Variants in SPATA6 observed in about 807,000 individuals in gnomAD.
SPATA6 encodes spermatogenesis-associated protein 6.
A neutral mutation model predicts 65.3 loss-of-function variants in SPATA6; 56 were observed. The observed-to-expected ratio is 0.86, with a 90% CI of 0.69 to 1.07. The LOEUF is 1.07. SPATA6 is among the 50% of genes least tolerant of loss of function. The probability of loss-of-function intolerance (pLI) is 0.00; values close to 1 mark genes in which losing one functional copy is unlikely to be tolerated. For synonymous variants in SPATA6, 199 were observed against 213.2 expected, an observed-to-expected ratio of 0.93 and a Z score of 0.58; for missense variants, 590 against 594.8, an observed-to-expected ratio of 0.99 and a Z score of 0.08.
chr1:48,280,820 C>G, the SPATA6 span, among the ~76,000 whole-genome samples: 17 of 150,464 alleles, frequency 1.1e-4, no homozygotes, highest in African/African-American at 2.2e-4. Context: ...GGAATCCTCC[C>G]TAACTCATTT....
chr1:48,428,815 GTATATA>G (rs746601806), intron 3 of SPATA6, among the ~76,000 whole-genome samples: 5 of 118,164 alleles, frequency 4.2e-5, no homozygotes, highest in South Asian at 2.8e-4. Context: ...GTGTGTATAT[GTATATA>G]TATGTGTGTA....
the SPATA6 span, among the ~76,000 whole-genome samples, chr1:48,266,396 A>G: frequency 6.6e-6 from 1 of 152,200 alleles, no homozygotes; most frequent in Non-Finnish European, 1.5e-5. Context: ...TGTGACCCAC[A>G]GGAGACACTT....
chr1:48,447,585 T>C (rs1369479768), intron 3 of SPATA6, among the ~76,000 whole-genome samples: 4 of 152,196 alleles, frequency 2.6e-5, no homozygotes, highest in Non-Finnish European at 4.4e-5. Flanking sequence ...ACTCCCATCT[T>C]GTTCAAAGGT....
intron 6 of SPATA6, chr1:48,401,054 G>A (rs1651112111): frequency 5.1e-6 from 1 of 195,612 alleles, no homozygotes; most frequent in Non-Finnish European, 1.0e-5. Flanking sequence ...CTCCATCTTG[G>A]ATTTAATAAA....
intron 9 of SPATA6, among the ~76,000 whole-genome samples, chr1:48,361,278 G>T (rs959460689): frequency 4.6e-5 from 7 of 152,124 alleles, no homozygotes; most frequent in African/African-American, 1.7e-4. Context: ...GGGAAGAAAG[G>T]AAAGAAACAC....
In SPATA6 at chr1:48,435,024, T is replaced by C. The variant is rs181007697; in HGVS notation, c.238+16528A>G. On this transcript the variant is annotated intron_variant, in intron 3 of 12. Coordinates refer to ENST00000371847, the MANE Select transcript of SPATA6 (RefSeq NM_019073.4). ...ATTTATTAAATTATAATACATATAG[T>C]TAATATATATCTCCCTAGAGCCTGA... Among the ~76,000 whole-genome samples, 500 of 151,306 alleles carry C rather than the reference T, an allele frequency of 3.3e-3. 2 individuals carry two copies. The highest frequency in any genetic ancestry group is 0.011 in the African/African-American group (473 of 41,314).
chr1:48,316,134 A>T (rs538122849), intron 11 of SPATA6, among the ~76,000 whole-genome samples: 8 of 152,226 alleles, frequency 5.3e-5, no homozygotes, highest in South Asian at 4.2e-4. Context: ...TTCAATGCCA[A>T]CCCCATCAAG....
At chr1:48,342,146 T>C (rs1480494528) in intron 11 of SPATA6, among the ~76,000 whole-genome samples, 2 of 152,210 alleles carry the variant, frequency 1.3e-5, no homozygotes, top group Non-Finnish European at 2.9e-5. Flanking sequence ...ATGGGATCTC[T>C]GTCACAATTC....
intron 11 of SPATA6, among the ~76,000 whole-genome samples, chr1:48,348,134 G>T (rs1455034687): frequency 1.3e-5 from 2 of 151,902 alleles, no homozygotes; most frequent in East Asian, 3.9e-4. Flanking sequence ...ACAACCTACT[G>T]GGTGATTACA....
chr1:48,458,643 G>C (rs1657184830), intron 1 of SPATA6, among the ~76,000 whole-genome samples: 1 of 152,096 alleles, frequency 6.6e-6, no homozygotes, highest in Non-Finnish European at 1.5e-5. Flanking sequence ...GCTACAAGAG[G>C]GATGAACCTT....
chr1:48,415,977 T>C (rs1409250664), intron 3 of SPATA6, among the ~76,000 whole-genome samples: 1 of 152,038 alleles, frequency 6.6e-6, no homozygotes, highest in Non-Finnish European at 1.5e-5. Context: ...CTGAGGAGCG[T>C]GGATTGCTTG....
At chr1:48,362,937 C>T (rs1412907047) in intron 9 of SPATA6, among the ~76,000 whole-genome samples, 1 of 152,038 alleles carries the variant, frequency 6.6e-6, no homozygotes, top group South Asian at 2.1e-4. Context: ...TTATTAAGCA[C>T]CTTCTGCATA....
At chr1:48,452,927 T>C (rs920926339) in intron 2 of SPATA6, 67 bp downstream of exon 2, 1 of 1,548,320 alleles carries the variant, frequency 6.5e-7, no homozygotes. Context: ...GTTATAGGCT[T>C]TTATTCAAAA....
At chr1:48,292,932 T>TA (rs755484872), downstream of SPATA6, among the ~76,000 whole-genome samples, 6 of 151,856 alleles carry the variant, frequency 4.0e-5, no homozygotes, top group Non-Finnish European at 5.9e-5. Flanking sequence ...CCACTGGAGG[T>TA]AAAAATAGCC....
At chr1:48,290,736 A>T (rs931240324), downstream of SPATA6, among the ~76,000 whole-genome samples, 7 of 152,226 alleles carry the variant, frequency 4.6e-5, no homozygotes, top group African/African-American at 1.7e-4. Context: ...AACAAAGATC[A>T]GAAGAGACAA....
chr1:48,399,213 CT>C (rs1437857707), intron 7 of SPATA6, 137 bp downstream of exon 7: 1 of 1,026,408 alleles, frequency 9.7e-7, no homozygotes, highest in Admixed American at 2.9e-5. Context: ...AATTTCCCAT[CT>C]TAGACTGCTA....
At chr1:48,270,206 C>T in the SPATA6 span, among the ~76,000 whole-genome samples, 1 of 152,110 alleles carries the variant, frequency 6.6e-6, no homozygotes, top group Non-Finnish European at 1.5e-5. Context: ...TGCCCATGAA[C>T]TCTCAGGTCA....
chr1:48,298,864 T>C lies in SPATA6; in HGVS notation c.1316A>G (p.His439Arg), dbSNP rs1417636023. ...SSCQQPRGTF[H>R]LDDGEYWSNR... Reference sequence around the variant, plus strand: ...GGACCAGTATTCACCGTCATCCAAATGGAAAGTGCCACGTGGCTGCTGACA... The same window carrying C: ...GGACCAGTATTCACCGTCATCCAAACGGAAAGTGCCACGTGGCTGCTGACA... The change falls in exon 13 of 13, where the codon CAT becomes CGT. Residue 439 changes from histidine (H) to arginine (R), a missense_variant. Physicochemically the swap from His to Arg is conservative, Grantham distance 29. Coordinates refer to ENST00000371847, the MANE Select transcript of SPATA6 (RefSeq NM_019073.4). 11 of 1,613,436 alleles carry C rather than the reference T, an allele frequency of 6.8e-6. No individual in the cohort carries two copies. The highest frequency in any genetic ancestry group is 9.3e-6 in the Non-Finnish European group (11 of 1,179,852).
chr1:48,448,620 G>A (rs539942866), intron 3 of SPATA6, among the ~76,000 whole-genome samples: 1 of 152,078 alleles, frequency 6.6e-6, no homozygotes, highest in Non-Finnish European at 1.5e-5. Context: ...AAACATAATT[G>A]CCCAAAACAG....
Sources: gnomAD v4.1 joint callset for allele counts (sites outside exome capture counted in the v4.1 genomes callset) on GRCh38, gnomAD v4.1.1 for gene constraint, MANE v1.5 for transcripts, NCBI Gene and HGNC (gene_info 2026-07-23, HGNC 2026-07-21) for gene names.